SNX18: variants seen among roughly 807,000 people sequenced by gnomAD.
The protein encoded by SNX18 is sorting nexin-18.
SNX18 carries 35 observed loss-of-function variants against 48.7 expected under a neutral mutation model. The ratio of observed to expected loss-of-function variants is 0.72; its 90% CI spans 0.55 to 0.95. SNX18 has a LOEUF of 0.95. Ranked by LOEUF, SNX18 falls within the 40% of genes least tolerant of loss-of-function variation. The probability of loss-of-function intolerance (pLI) is 0.00; values close to 1 mark genes in which losing one functional copy is unlikely to be tolerated. For missense variants in SNX18, 824 were observed against 871.0 expected (o/e 0.95, Z 0.68); for synonymous variants, 492 against 384.7 (o/e 1.28, Z -3.26).
At chr5:54,633,394 C>T in the SNX18 span, among the ~76,000 whole-genome samples, 4 of 151,976 alleles carry the variant, frequency 2.6e-5, no homozygotes, top group Admixed American at 2.0e-4. Flanking sequence ...TCTTGGTTTC[C>T]GCATTTTAAA....
the SNX18 span, among the ~76,000 whole-genome samples, chr5:54,570,982 C>CA: frequency 6.6e-6 from 1 of 152,170 alleles, no homozygotes; most frequent in Non-Finnish European, 1.5e-5. Context: ...AACACTCAAG[C>CA]CTCTTGCCAA....
chr5:54,559,234 A>G, the SNX18 span, among the ~76,000 whole-genome samples: 4 of 152,334 alleles, frequency 2.6e-5, no homozygotes, highest in African/African-American at 9.6e-5. Flanking sequence ...TTTAAAATTC[A>G]TATGGAACCA....
At chr5:54,607,262 C>A in the SNX18 span, among the ~76,000 whole-genome samples, 1 of 152,284 alleles carries the variant, frequency 6.6e-6, no homozygotes, top group South Asian at 2.1e-4. Flanking sequence ...TGGGCCCCCG[C>A]CTGTGTGCAG....
At chr5:54,635,198 G>C in the SNX18 span, among the ~76,000 whole-genome samples, 1 of 151,434 alleles carries the variant, frequency 6.6e-6, no homozygotes, top group East Asian at 1.9e-4. Flanking sequence ...TGGGCCATTT[G>C]GGGGAGAATA....
chr5:54,517,924 TCGGGACCGCCAGTCGGGGCGC>T lies in SNX18; in HGVS notation c.-21_-1del. 1 of 1,483,728 alleles carries T rather than the reference TCGGGACCGCCAGTCGGGGCGC, an allele frequency of 6.7e-7. No homozygotes were observed. The highest frequency in any genetic ancestry group is 1.3e-5 in the South Asian group (1 of 78,662). 91.9% of individuals were successfully genotyped at this position (1,483,728 alleles called of 1,614,324 possible). A position where few individuals can be genotyped will look rare whatever the true frequency, so the allele number is the denominator to read the frequency against. ...GGGCCTCGGCTCGGGACGCCGGGAG[TCGGGACCGCCAGTCGGGGCGC>T]CGGGACCATGGCGCTGCGCGCCCGG... On this transcript the variant is annotated 5_prime_UTR_variant, in exon 1 of 2. Coordinates refer to ENST00000381410, the MANE Select transcript of SNX18 (RefSeq NM_001102575.2).
chr5:54,546,084 A>G lies in SNX18; in HGVS notation c.*2652A>G, dbSNP rs1195096767. On this transcript the variant is annotated 3_prime_UTR_variant, in exon 2 of 2. Coordinates refer to ENST00000381410, the MANE Select transcript of SNX18 (RefSeq NM_001102575.2). ...TGAAGGTACCCAGTTTGCACCCAGG[A>G]TGAGGGAACGCATTCAAAAGTGAAA... The G allele has an allele frequency of 2.0e-5, 3 of 152,174 alleles. No individual in the cohort carries two copies. Among genetic ancestry groups the G allele is most frequent in the African/African-American group, 7.2e-5 (3 of 41,446 alleles). 9.4% of individuals were successfully genotyped at this position (152,174 alleles called of 1,614,324 possible). A position where few individuals can be genotyped will look rare whatever the true frequency, so the allele number is the denominator to read the frequency against.
chr5:54,620,425 T>A, the SNX18 span, among the ~76,000 whole-genome samples: 1 of 152,258 alleles, frequency 6.6e-6, no homozygotes, highest in South Asian at 2.1e-4. Flanking sequence ...AGGTGTCAGT[T>A]GAGTGAATAT....
At chr5:54,640,524 G>C in the SNX18 span, among the ~76,000 whole-genome samples, 1 of 152,170 alleles carries the variant, frequency 6.6e-6, no homozygotes, top group African/African-American at 2.4e-5. Context: ...GTGCCCGCCA[G>C]AGTAGGGTCT....
chr5:54,633,558 C>T, the SNX18 span, among the ~76,000 whole-genome samples: 1 of 152,122 alleles, frequency 6.6e-6, no homozygotes, highest in East Asian at 1.9e-4. Flanking sequence ...GGACATTGGG[C>T]AAGTTACTTA....
chr5:54,588,013 G>C, the SNX18 span, among the ~76,000 whole-genome samples: 3 of 152,112 alleles, frequency 2.0e-5, no homozygotes, highest in Non-Finnish European at 4.4e-5. Context: ...TCCTTTCATA[G>C]AAGGAGGACA....
At chr5:54,595,838 AG>A in the SNX18 span, among the ~76,000 whole-genome samples, 1 of 152,182 alleles carries the variant, frequency 6.6e-6, no homozygotes, top group African/African-American at 2.4e-5. Flanking sequence ...GCTTTAGGAG[AG>A]ATTCCATTCC....
chr5:54,520,773 GCGTGA>G (rs1229969663), intron 1 of SNX18: 34 of 167,094 alleles, frequency 2.0e-4, no homozygotes, highest in African/African-American at 8.0e-4. Context: ...CCTTCCAAAT[GCGTGA>G]CTGGTCTTCT....
chr5:54,557,674 T>C, the SNX18 span, among the ~76,000 whole-genome samples: 109,376 of 152,082 alleles, frequency 0.72, 39,996 homozygotes, highest in Non-Finnish European at 0.79. Context: ...TTCAGTTTTG[T>C]AAGATGACAA....
At chr5:54,572,575 T>C in the SNX18 span, among the ~76,000 whole-genome samples, 2 of 151,808 alleles carry the variant, frequency 1.3e-5, no homozygotes, top group Non-Finnish European at 2.9e-5. Context: ...ATAGCTCAAA[T>C]TGATATTCTA....
At chr5:54,553,438 G>A in the SNX18 span, among the ~76,000 whole-genome samples, 4 of 152,234 alleles carry the variant, frequency 2.6e-5, no homozygotes, top group African/African-American at 9.6e-5. Context: ...GGCAAGCACA[G>A]CAACAGGTCC....
the SNX18 span, among the ~76,000 whole-genome samples, chr5:54,603,540 C>T: frequency 0.028 from 4,334 of 152,188 alleles, 220 homozygotes; most frequent in African/African-American, 0.098. Context: ...GCCTGAATTC[C>T]CAGAGGAAGA....
the SNX18 span, among the ~76,000 whole-genome samples, chr5:54,571,830 G>T: frequency 5.3e-5 from 8 of 152,180 alleles, no homozygotes; most frequent in Non-Finnish European, 8.8e-5. Flanking sequence ...GTGTTAGGGT[G>T]TCTGAAGGTG....
the SNX18 span, among the ~76,000 whole-genome samples, chr5:54,617,894 T>C: frequency 6.6e-6 from 1 of 152,082 alleles, no homozygotes; most frequent in Non-Finnish European, 1.5e-5. Flanking sequence ...AGTCCTATCT[T>C]TGGGTAAGGT....
the SNX18 span, among the ~76,000 whole-genome samples, chr5:54,608,927 G>C: frequency 6.6e-6 from 1 of 152,162 alleles, no homozygotes; most frequent in African/African-American, 2.4e-5. Flanking sequence ...GTTTACAGCT[G>C]TGGGTCCACA....
Sources: allele counts gnomAD v4.1 joint callset (sites outside exome capture counted in the v4.1 genomes callset), GRCh38; gene constraint gnomAD v4.1.1; transcripts MANE v1.5; gene names NCBI Gene and HGNC (gene_info 2026-07-23, HGNC 2026-07-21).